The following MTA3 variants were observed in gnomAD, a reference collection of about 807,000 sequenced individuals.
The protein encoded by MTA3 is metastasis-associated protein MTA3.
Under a neutral mutation model 83.5 loss-of-function variants are expected in MTA3, and 34 were observed. The ratio of observed to expected loss-of-function variants is 0.41; its 90% CI spans 0.31 to 0.54. MTA3 has a LOEUF of 0.54. Among genes scored for constraint, MTA3 ranks in the 20% least tolerant of loss-of-function variants. The pLI is 0.33. For missense variants in MTA3, 761 were observed against 726.4 expected (o/e 1.05, Z -0.55); for synonymous variants, 303 against 252.7 (o/e 1.20, Z -1.89).
chr2:42,498,578 TATGTAACATAC>T (rs2103635920), intron 2 of MTA3, among the ~76,000 whole-genome samples: 1 of 152,270 alleles, frequency 6.6e-6, no homozygotes, highest in South Asian at 2.1e-4. Flanking sequence ...GGTACACATA[TATGTAACATAC>T]ATCGTGTTCA....
chr2:42,729,096 T>TTTTTTTG (rs1668049618), intron 16 of MTA3, among the ~76,000 whole-genome samples: 2 of 120,542 alleles, frequency 1.7e-5, no homozygotes, highest in African/African-American at 6.7e-5. Flanking sequence ...GTTTTTTTTT[T>TTTTTTTG]TTTTTTTTTT....
intron 2 of MTA3, among the ~76,000 whole-genome samples, chr2:42,508,445 C>T (rs566500318): frequency 4.6e-5 from 7 of 151,912 alleles, no homozygotes; most frequent in African/African-American, 1.5e-4. Context: ...GATCCTCCCA[C>T]CTCAGCCCCC....
intron 2 of MTA3, among the ~76,000 whole-genome samples, chr2:42,549,860 A>G (rs982338553): frequency 6.6e-6 from 1 of 150,416 alleles, no homozygotes; most frequent in Admixed American, 6.8e-5. Flanking sequence ...GTGCCACCCA[A>G]CTCCGTCCCA....
intron 9 of MTA3, among the ~76,000 whole-genome samples, chr2:42,687,735 T>A (rs1280488354): frequency 6.6e-6 from 1 of 152,182 alleles, no homozygotes; most frequent in Non-Finnish European, 1.5e-5. Flanking sequence ...GAAATTCTAG[T>A]GCAGGATTTG....
At chr2:42,740,736 C>T (rs556520861) in intron 16 of MTA3, among the ~76,000 whole-genome samples, 2 of 152,368 alleles carry the variant, frequency 1.3e-5, no homozygotes, top group South Asian at 2.1e-4. Flanking sequence ...ATTCCGTAAA[C>T]CATGCTGTAA....
rs184577961 is a variant in MTA3 at position 42,666,942 on chromosome 2, C to T, written c.702+7080C>T. Reference sequence around the variant, plus strand: ...AAGCATTTTAATGTTTTATAGAGAGCGTCTCATCACTAAGAGTGATGTGTA... The same window carrying T: ...AAGCATTTTAATGTTTTATAGAGAGTGTCTCATCACTAAGAGTGATGTGTA... On this transcript the variant is annotated intron_variant, in intron 8 of 16. Transcript: ENST00000405094. Among the ~76,000 whole-genome samples, 389 of 152,244 alleles carry T rather than the reference C, an allele frequency of 2.6e-3. 2 individuals carry two copies. The highest frequency in any genetic ancestry group is 8.0e-3 in the African/African-American group (334 of 41,540).
intron 2 of MTA3, among the ~76,000 whole-genome samples, chr2:42,497,983 T>C (rs1431265819): frequency 1.3e-5 from 2 of 152,248 alleles, no homozygotes; most frequent in Non-Finnish European, 2.9e-5. Flanking sequence ...CTTTTACTGC[T>C]GACTCTGGCT....
At chr2:42,691,213 T>C (rs113403824) in intron 9 of MTA3, among the ~76,000 whole-genome samples, 5 of 152,230 alleles carry the variant, frequency 3.3e-5, no homozygotes, top group African/African-American at 9.6e-5. Flanking sequence ...GGTTTCACCA[T>C]GTTGGCCAGG....
At chr2:42,733,623 G>A (rs1055594215) in intron 16 of MTA3, among the ~76,000 whole-genome samples, 21 of 152,116 alleles carry the variant, frequency 1.4e-4, no homozygotes, top group Non-Finnish European at 1.8e-4. Flanking sequence ...CGACCCACTG[G>A]TCATTCAGGA....
chr2:42,622,953 A>G (rs1052379551), intron 4 of MTA3, among the ~76,000 whole-genome samples: 2 of 152,236 alleles, frequency 1.3e-5, no homozygotes, highest in Non-Finnish European at 2.9e-5. Context: ...AAGTGAATTG[A>G]AAAATAAACC....
At chr2:42,510,061 C>G (rs180966280) in intron 2 of MTA3, among the ~76,000 whole-genome samples, 1 of 152,228 alleles carries the variant, frequency 6.6e-6, no homozygotes, top group Admixed American at 6.5e-5. Flanking sequence ...CACAGTGGCT[C>G]ATGCCTGTAA....
intron 7 of MTA3, among the ~76,000 whole-genome samples, chr2:42,657,519 C>G (rs1224282380): frequency 6.6e-6 from 1 of 152,138 alleles, no homozygotes; most frequent in Non-Finnish European, 1.5e-5. Flanking sequence ...GATTTGTATT[C>G]TGTATTTTCA....
intron 2 of MTA3, among the ~76,000 whole-genome samples, chr2:42,499,053 A>G (rs977163408): frequency 6.6e-6 from 1 of 152,210 alleles, no homozygotes; most frequent in Non-Finnish European, 1.5e-5. Flanking sequence ...GTATAAGTCA[A>G]AGGGTATGAA....
chr2:42,596,445 A>T (rs1681797935), intron 3 of MTA3, among the ~76,000 whole-genome samples: 1 of 152,204 alleles, frequency 6.6e-6, no homozygotes, highest in Non-Finnish European at 1.5e-5. Context: ...TTATTTTTGT[A>T]AGTGACATTT....
intron 6 of MTA3, among the ~76,000 whole-genome samples, chr2:42,650,189 T>C (rs1390799674): frequency 6.6e-6 from 1 of 152,188 alleles, no homozygotes; most frequent in Non-Finnish European, 1.5e-5. Flanking sequence ...TAGGGCAATT[T>C]TGTCCTCCAG....
chr2:42,748,344 G>A (rs1480788982), intron 16 of MTA3, among the ~76,000 whole-genome samples: 4 of 152,082 alleles, frequency 2.6e-5, no homozygotes, highest in African/African-American at 7.2e-5. Flanking sequence ...GATTACAGGC[G>A]TGAGCCACTG....
chr2:42,572,837 A>G (rs908636960), intron 2 of MTA3, among the ~76,000 whole-genome samples: 2 of 151,924 alleles, frequency 1.3e-5, no homozygotes, highest in South Asian at 2.1e-4. Flanking sequence ...AAGCGATTCT[A>G]CTGTCTCATC....
In MTA3 at chr2:42,662,587, CTT is replaced by C. The variant is rs1189738050; in HGVS notation, c.702+2728_702+2729del. On this transcript the variant is annotated intron_variant, in intron 8 of 16. Transcript: ENST00000405094. Reference sequence around the variant, plus strand: ...TGTTTATAGACTTTTAATCTATTCTCTTTTGTTTTGTAGATCTATTTTTCCCT... The same window carrying C: ...TGTTTATAGACTTTTAATCTATTCTCTTGTTTTGTAGATCTATTTTTCCCT... Among the ~76,000 whole-genome samples the C allele has an allele frequency of 2.0e-5, 3 of 151,712 alleles. No individual in the cohort carries two copies. In the East Asian group the frequency reaches 5.8e-4, roughly 29 times the overall value.
Position 42,662,136 on chromosome 2 carries a change from C to G in MTA3, c.702+2274C>G, listed in dbSNP as rs543537955. On this transcript the variant is annotated intron_variant, in intron 8 of 16. Transcript: ENST00000405094. Reference sequence around the variant, plus strand: ...ACAGTTCATTCATTTTAACTGCTTTCTATTATTTCCAATATTCTTGTATAT... The same window carrying G: ...ACAGTTCATTCATTTTAACTGCTTTGTATTATTTCCAATATTCTTGTATAT... 2.0e-5 allele frequency among the ~76,000 whole-genome samples: 3 copies of G among 152,062 alleles called. No homozygotes were observed. In the South Asian group the frequency reaches 6.2e-4, roughly 31 times the overall value.
Sources: gnomAD v4.1 joint callset for allele counts (sites outside exome capture counted in the v4.1 genomes callset) on GRCh38, gnomAD v4.1.1 for gene constraint, MANE v1.5 for transcripts, NCBI Gene and HGNC (gene_info 2026-07-23, HGNC 2026-07-21) for gene names.